EAF2: variants seen among roughly 807,000 people sequenced by gnomAD.
EAF2 encodes the protein ELL-associated factor 2.
EAF2 carries 29 observed loss-of-function variants against 29.4 expected under a neutral mutation model. The observed-to-expected ratio is 0.99, with a 90% CI of 0.73 to 1.35. EAF2 has a LOEUF of 1.35. Among genes scored for constraint, EAF2 ranks in the 40% most tolerant of loss-of-function variants. The pLI is 0.00. For synonymous variants in EAF2, 103 were observed against 102.5 expected (o/e 1.00, Z -0.03); for missense variants, 292 against 312.0 (o/e 0.94, Z 0.48).
At chr3:121,836,602 T>A (rs1030924163) in intron 1 of EAF2, 14 of 979,688 alleles carry the variant, frequency 1.4e-5, no homozygotes, top group Non-Finnish European at 1.7e-5. Context: ...TCTTCAACAG[T>A]GTCCCTTGTT....
Position 121,886,494 on chromosome 3 carries a change from A to T in EAF2, c.*106A>T. ...GGGAAATATGTCTTAACTTTTGATG[A>T]TAAAAGAAATTAAATTTGATTCAGA... On this transcript the variant is annotated 3_prime_UTR_variant, in exon 6 of 6. Coordinates refer to ENST00000273668, the MANE Select transcript of EAF2 (RefSeq NM_018456.6). The T allele has an allele frequency of 1.9e-6, 1 of 537,994 alleles. No individual in the cohort carries two copies. The highest frequency in any genetic ancestry group is 3.9e-5 in the Admixed American group (1 of 25,360). The allele number at this position is 537,994 out of a possible 1,614,324, so 33.3% of individuals were successfully genotyped here.
At chr3:121,885,771 G>A (rs1009764709) in intron 5 of EAF2, among the ~76,000 whole-genome samples, 1 of 152,000 alleles carries the variant, frequency 6.6e-6, no homozygotes, top group Non-Finnish European at 1.5e-5. Flanking sequence ...AATAGCACCT[G>A]CCACTGCCAT....
rs559371945 is a variant in EAF2 at position 121,838,198 on chromosome 3, C to T, written c.106+2807C>T. The stretch of plus-strand genomic sequence containing the variant: ...AGAAAATGGTTTTCTACTCTTCATG[C>T]AATATAATAAGTAATTCCATTGTAA... On this transcript the variant is annotated intron_variant, in intron 1 of 5. Transcript: ENST00000273668. Among the ~76,000 whole-genome samples the T allele has an allele frequency of 1.3e-4, 20 of 152,122 alleles. No individual in the cohort carries two copies. The South Asian group carries it at 4.2e-3, about 32-fold the overall frequency.
intron 2 of EAF2, 119 bp from the exon 3 acceptor site, chr3:121,854,568 G>A: frequency 1.3e-6 from 1 of 797,426 alleles, no homozygotes; most frequent in Non-Finnish European, 1.8e-6. Flanking sequence ...AATTTAGGTA[G>A]TTTATGGGTG....
intron 2 of EAF2, among the ~76,000 whole-genome samples, chr3:121,846,158 C>G (rs1442507783): frequency 6.6e-6 from 1 of 152,142 alleles, no homozygotes; most frequent in Admixed American, 6.5e-5. Flanking sequence ...ATACATATAG[C>G]AAGTAAACTC....
chr3:121,858,380 A>C (rs1396415177), intron 4 of EAF2, among the ~76,000 whole-genome samples: 2 of 152,234 alleles, frequency 1.3e-5, no homozygotes, highest in Non-Finnish European at 2.9e-5. Flanking sequence ...GTGAGATGGT[A>C]TCTCATTGTG....
At chr3:121,841,048 C>G (rs17742508) in intron 1 of EAF2, among the ~76,000 whole-genome samples, 2 of 151,862 alleles carry the variant, frequency 1.3e-5, no homozygotes, top group Admixed American at 6.6e-5. Flanking sequence ...AGTAGTTTAG[C>G]TGATTGAAAA....
At chr3:121,839,496 G>A (rs1708365383) in intron 1 of EAF2, among the ~76,000 whole-genome samples, 1 of 152,044 alleles carries the variant, frequency 6.6e-6, no homozygotes, top group Non-Finnish European at 1.5e-5. Context: ...TTTATTCTGG[G>A]ATGTCATTTC....
intron 2 of EAF2, among the ~76,000 whole-genome samples, chr3:121,850,402 A>G (rs993686222): frequency 6.9e-6 from 1 of 145,334 alleles, no homozygotes; most frequent in East Asian, 2.0e-4. Flanking sequence ...CCATTCCATT[A>G]TTGATTATTT....
At chr3:121,841,268 C>G (rs895449027) in intron 1 of EAF2, among the ~76,000 whole-genome samples, 17 of 151,084 alleles carry the variant, frequency 1.1e-4, no homozygotes, top group Non-Finnish European at 1.5e-5. Context: ...CTTTGGGAGG[C>G]GGAGGCGGGC....
chr3:121,867,055 G>T (rs1204670315), intron 4 of EAF2, among the ~76,000 whole-genome samples: 1 of 152,070 alleles, frequency 6.6e-6, no homozygotes, highest in Non-Finnish European at 1.5e-5. Context: ...TCAGTGCTAG[G>T]GATTGGATAG....
chr3:121,885,164 T>A (rs947041814), intron 5 of EAF2, among the ~76,000 whole-genome samples: 5 of 152,226 alleles, frequency 3.3e-5, no homozygotes, highest in African/African-American at 1.2e-4. Flanking sequence ...ACTCAGTAAA[T>A]GATTTATCCA....
chr3:121,872,633 C>T lies in EAF2; in HGVS notation c.581C>T (p.Ser194Phe). 6.2e-7 allele frequency: 1 copy of T among 1,612,882 alleles called. No individual in the cohort carries two copies. The highest frequency in any genetic ancestry group is 8.5e-7 in the Non-Finnish European group (1 of 1,179,180). The change falls in exon 5 of 6, where the codon TCT (serine) becomes TTT (phenylalanine). Residue 194 changes from serine to phenylalanine, a missense_variant. By Grantham distance (155) the Ser-to-Phe change is radical. Transcript: ENST00000273668. ...TCATCTTCAAGTAGTGAGGATAGTT[C>T]TAGTGACTCAGAAGATGAAGATTGC... Reference protein sequence around the residue: ...SSSSSSSEDSSSDSEDEDCKS... With the variant: ...SSSSSSSEDSFSDSEDEDCKS...
At chr3:121,842,333 A>G (rs1450674916) in intron 1 of EAF2, among the ~76,000 whole-genome samples, 6 of 152,214 alleles carry the variant, frequency 3.9e-5, no homozygotes, top group Admixed American at 6.5e-5. Flanking sequence ...ATATTAAATG[A>G]CTTTGGTTCT....
intron 4 of EAF2, among the ~76,000 whole-genome samples, chr3:121,869,325 T>G (rs187917499): frequency 1.3e-5 from 2 of 152,018 alleles, no homozygotes; most frequent in Admixed American, 1.3e-4. Flanking sequence ...GAAAAGCAGA[T>G]TAAACCCAAA....
At chr3:121,877,727 G>A (rs1360221226) in intron 5 of EAF2, among the ~76,000 whole-genome samples, 1 of 151,846 alleles carries the variant, frequency 6.6e-6, no homozygotes, top group Non-Finnish European at 1.5e-5. Flanking sequence ...GTACTTCCAA[G>A]GAAATGTCTT....
chr3:121,847,075 A>T (rs1453049507), intron 2 of EAF2, among the ~76,000 whole-genome samples: 1 of 152,164 alleles, frequency 6.6e-6, no homozygotes, highest in African/African-American at 2.4e-5. Context: ...ATGCCTCAGT[A>T]TTTGTGTGTG....
At chr3:121,861,497 C>CT (rs1032644061) in intron 4 of EAF2, among the ~76,000 whole-genome samples, 4 of 151,256 alleles carry the variant, frequency 2.6e-5, no homozygotes, top group South Asian at 2.1e-4. Context: ...GCAACCCCTG[C>CT]TTTTTTTTTG....
intron 5 of EAF2, among the ~76,000 whole-genome samples, chr3:121,873,597 A>G (rs1709053150): frequency 6.6e-6 from 1 of 151,858 alleles, no homozygotes; most frequent in South Asian, 2.1e-4. Context: ...CAATTCTAAT[A>G]CAATTTGTCA....
Sources: gnomAD v4.1 joint callset for allele counts (sites outside exome capture counted in the v4.1 genomes callset) on GRCh38, gnomAD v4.1.1 for gene constraint, MANE v1.5 for transcripts, NCBI Gene and HGNC (gene_info 2026-07-23, HGNC 2026-07-21) for gene names.